The following ANKFN1 variants were observed in gnomAD, a reference collection of about 807,000 sequenced individuals.
The protein encoded by ANKFN1 is ankyrin repeat and fibronectin type III domain containing 1, also known as ankyrin repeat and fibronectin type-III domain-containing protein 1.
A neutral mutation model predicts 108.7 loss-of-function variants in ANKFN1; 74 were observed. That is an observed-to-expected ratio of 0.68 (90% CI 0.56 to 0.83). ANKFN1 has a LOEUF of 0.83. Ranked by LOEUF, ANKFN1 falls within the 40% of genes least tolerant of loss-of-function variation. The probability of loss-of-function intolerance (pLI) is 0.00; values close to 1 mark genes in which losing one functional copy is unlikely to be tolerated. For missense variants in ANKFN1, 1,505 were observed against 1,382.3 expected (o/e 1.09, Z -1.41); for synonymous variants, 547 against 516.2 (o/e 1.06, Z -0.81).
At chr17:56,260,930 T>C (rs2043494802) in intron 3 of ANKFN1, among the ~76,000 whole-genome samples, 1 of 152,234 alleles carries the variant, frequency 6.6e-6, no homozygotes, top group Admixed American at 6.5e-5. Flanking sequence ...TACTCCTCTT[T>C]TGAGAGCATG....
intron 4 of ANKFN1, among the ~76,000 whole-genome samples, chr17:56,332,325 G>A (rs1299239578): frequency 1.3e-5 from 2 of 152,126 alleles, no homozygotes; most frequent in African/African-American, 4.8e-5. Context: ...GCTCCACTCT[G>A]CACAGGCTAC....
chr17:56,283,524 G>GATATATAT (rs567333825), intron 3 of ANKFN1, among the ~76,000 whole-genome samples: 1,825 of 141,582 alleles, frequency 0.013, 218 homozygotes, highest in African/African-American at 0.051. Flanking sequence ...AAGAAACTGT[G>GATATATAT]ATATATATAT....
intron 8 of ANKFN1, among the ~76,000 whole-genome samples, chr17:56,433,591 A>G (rs897941332): frequency 6.6e-6 from 1 of 152,150 alleles, no homozygotes; most frequent in East Asian, 1.9e-4. Flanking sequence ...AAAACCAAAC[A>G]TCGTTTGTTC....
chr17:56,212,648 G>A lies in ANKFN1; in HGVS notation c.-20G>A, dbSNP rs1050667833. On this transcript the variant is annotated 5_prime_UTR_variant, in exon 2 of 21. Transcript: ENST00000682825. ...TATGAAGAAATCCAGTTTGAGACCA[G>A]GAGCCTGTGGGCAGGCTACATGAAT... Among the ~76,000 whole-genome samples the A allele has an allele frequency of 6.6e-6, 1 of 152,158 alleles. No homozygotes were observed. The highest frequency in any genetic ancestry group is 1.5e-5 in the Non-Finnish European group (1 of 68,032).
chr17:56,077,419 G>A (rs550852468), intron 4 of ANKFN1, among the ~76,000 whole-genome samples: 11 of 152,242 alleles, frequency 7.2e-5, no homozygotes, highest in Admixed American at 2.6e-4. Context: ...CTATGGACCC[G>A]ATCTAAACCT....
At chr17:56,429,615 G>A (rs950081054) in intron 8 of ANKFN1, among the ~76,000 whole-genome samples, 10 of 152,324 alleles carry the variant, frequency 6.6e-5, no homozygotes, top group Admixed American at 5.2e-4. Flanking sequence ...GCCAGGTCCT[G>A]TTGTAGACTA....
At chr17:56,466,713 GA>G in intron 15 of ANKFN1, 142 bp downstream of exon 15, 1 of 696,498 alleles carries the variant, frequency 1.4e-6, no homozygotes, top group South Asian at 2.0e-5. Context: ...TGCAAATGCA[GA>G]AGCTTATTTT....
intron 3 of ANKFN1, among the ~76,000 whole-genome samples, chr17:56,251,085 T>C (rs1358847379): frequency 6.6e-6 from 1 of 152,160 alleles, no homozygotes; most frequent in Admixed American, 6.5e-5. Context: ...GTTTCAGCTG[T>C]CACATAGAAA....
At chr17:56,119,074 G>A (rs1332789843) in intron 4 of ANKFN1, among the ~76,000 whole-genome samples, 5 of 152,044 alleles carry the variant, frequency 3.3e-5, no homozygotes, top group Admixed American at 1.3e-4. Context: ...GATCTTTAGG[G>A]ATCTGTGAGA....
intron 4 of ANKFN1, among the ~76,000 whole-genome samples, chr17:56,113,304 C>T (rs1906079645): frequency 6.6e-6 from 1 of 152,124 alleles, no homozygotes; most frequent in South Asian, 2.1e-4. Context: ...AAAATATAGT[C>T]ATTGAGAACT....
At chr17:56,296,552 C>T (rs766097549) in intron 3 of ANKFN1, among the ~76,000 whole-genome samples, 5 of 152,084 alleles carry the variant, frequency 3.3e-5, no homozygotes, top group Non-Finnish European at 5.9e-5. Context: ...CATGTGGTGG[C>T]GCATGCCTGT....
chr17:56,257,958 G>A (rs764252746), intron 3 of ANKFN1: 1 of 152,172 alleles, frequency 6.6e-6, no homozygotes, highest in African/African-American at 2.4e-5. Flanking sequence ...AAGCCTCACT[G>A]TCATTACTCC....
intron 3 of ANKFN1, among the ~76,000 whole-genome samples, chr17:56,286,992 ATAT>A (rs2044235838): frequency 6.6e-6 from 1 of 152,064 alleles, no homozygotes; most frequent in South Asian, 2.1e-4. Flanking sequence ...GAGTTCCCTG[ATAT>A]TGTGACCTGG....
chr17:56,467,779 GAAAGAAAGAAAGAAGA>G (rs1268341372), intron 15 of ANKFN1, among the ~76,000 whole-genome samples: 134 of 17,418 alleles, frequency 7.7e-3, no homozygotes, highest in Middle Eastern at 0.028. Context: ...AAGAAAGAAA[GAAAGAAAGAAAGAAGA>G]AAGAAAGAAA....
In ANKFN1 at chr17:56,430,500, CCACACACACACACACA is replaced by C. The variant is rs60148599; in HGVS notation, c.911-9804_911-9789del. ...AAGAGGGTAGATTTTGATGCTTTTA[CCACACACACACACACA>C]CACACACACACACACACACACAAAG... On this transcript the variant is annotated intron_variant, in intron 8 of 20. Transcript: ENST00000682825. Among the ~76,000 whole-genome samples, 4 of 144,184 alleles carry C rather than the reference CCACACACACACACACA, an allele frequency of 2.8e-5. No individual in the cohort carries two copies. The South Asian group carries it at 9.1e-4, about 33-fold the overall frequency. The allele number at this position is 144,184 out of a possible 152,430, so 94.6% of individuals were successfully genotyped here. A position where few individuals can be genotyped will look rare whatever the true frequency, so the allele number is the denominator to read the frequency against.
intron 3 of ANKFN1, among the ~76,000 whole-genome samples, chr17:56,228,904 C>T (rs2143917534): frequency 6.6e-6 from 1 of 152,122 alleles, no homozygotes. Context: ...ATTCTAGTAC[C>T]TATCAGAATC....
rs886851706 is a variant in ANKFN1, at chr17:56,108,178, G to A, written c.288+61853G>A. The stretch of plus-strand genomic sequence containing the variant: ...AGCCTCCTGAGTGGCTGGGATTACA[G>A]GTGCACACCACCATGCCCGGCTAAT... On this transcript the variant is annotated intron_variant, in intron 4 of 12. Transcript: ENST00000635860. Among the ~76,000 whole-genome samples the A allele has an allele frequency of 1.1e-4, 16 of 152,304 alleles. 1 individual carries two copies. The highest frequency in any genetic ancestry group is 3.4e-3 in the Middle Eastern group (1 of 294).
In ANKFN1 at chr17:56,440,325, A is replaced by G. The variant is rs2049058647; in HGVS notation, c.911-2A>G. The G allele has an allele frequency of 6.3e-7, 1 of 1,588,752 alleles. No individual in the cohort carries two copies. Among genetic ancestry groups the G allele is most frequent in the Admixed American group, 1.7e-5 (1 of 59,750 alleles). On this transcript the variant is annotated splice_acceptor_variant, in intron 8 of 20. Coordinates refer to ENST00000682825, the MANE Select transcript of ANKFN1 (RefSeq NM_001370326.1). LOFTEE classifies it high-confidence loss of function. ...CTCTCCCTGCCCCCCTACTCCCTCC[A>G]GTGGAATGGAGTATGTCCGAAGACT...
chr17:56,204,865 G>A (rs1397403535), intron 1 of ANKFN1, among the ~76,000 whole-genome samples: 1 of 152,046 alleles, frequency 6.6e-6, no homozygotes, highest in Non-Finnish European at 1.5e-5. Context: ...CACGAGGTCA[G>A]GAGATCGAGA....
Sources: gnomAD v4.1 joint callset for allele counts (sites outside exome capture counted in the v4.1 genomes callset) on GRCh38, gnomAD v4.1.1 for gene constraint, MANE v1.5 for transcripts, NCBI Gene and HGNC (gene_info 2026-07-23, HGNC 2026-07-21) for gene names.